Variants in LNP1 observed in about 807,000 individuals in gnomAD.
LNP1 encodes leukemia NUP98 fusion partner 1.
A neutral mutation model predicts 14.5 loss-of-function variants in LNP1; 12 were observed. The ratio of observed to expected loss-of-function variants is 0.83; its 90% CI spans 0.53 to 1.34. The LOEUF is 1.34. LNP1 is among the 40% of genes most tolerant of loss of function. The pLI is 0.00. For synonymous variants in LNP1, 75 were observed against 71.4 expected, an observed-to-expected ratio of 1.05 and a Z score of -0.26; for missense variants, 198 against 210.9, an observed-to-expected ratio of 0.94 and a Z score of 0.38.
chr3:100,449,241 A>G (rs148695973), intron 2 of LNP1, among the ~76,000 whole-genome samples: 3,370 of 141,602 alleles, frequency 0.024, 60 homozygotes, highest in Middle Eastern at 0.069. Context: ...TTCATAGTGC[A>G]CTTAAACTTT....
rs1422437900 is a variant in LNP1, at chr3:100,416,597, TTTTGTGTGTGTGTGTGTGTG to T, written c.-33-13098_-33-13079del. ...ATAAATAATACCTTGAGTATATCTT[TTTTGTGTGTGTGTGTGTGTG>T]TGTGTGTGTGTGTGTGTGTGTGTGT... On this transcript the variant is annotated intron_variant, in intron 1 of 3. Coordinates refer to ENST00000383693, the MANE Select transcript of LNP1 (RefSeq NM_001085451.2). Among the ~76,000 whole-genome samples, 42 of 110,650 alleles carry T rather than the reference TTTTGTGTGTGTGTGTGTGTG, an allele frequency of 3.8e-4. 1 individual carries two copies. Among genetic ancestry groups the T allele is most frequent in the Admixed American group, 2.0e-3 (19 of 9,510 alleles). The allele number at this position is 110,650 out of a possible 152,430, so 72.6% of individuals were successfully genotyped here. A position where few individuals can be genotyped will look rare whatever the true frequency, so the allele number is the denominator to read the frequency against.
At chr3:100,414,241 G>A (rs1165938992) in intron 1 of LNP1, among the ~76,000 whole-genome samples, 1 of 152,068 alleles carries the variant, frequency 6.6e-6, no homozygotes, top group Non-Finnish European at 1.5e-5. Context: ...GGTTCAAGAT[G>A]GTTTAATCAA....
chr3:100,412,933 T>C (rs1209298400), intron 1 of LNP1, among the ~76,000 whole-genome samples: 1 of 152,190 alleles, frequency 6.6e-6, no homozygotes, highest in Non-Finnish European at 1.5e-5. Context: ...ATATGGTCAA[T>C]GCGAAATAAA....
chr3:100,436,132 C>T (rs748862349), intron 2 of LNP1, among the ~76,000 whole-genome samples: 4 of 152,108 alleles, frequency 2.6e-5, no homozygotes, highest in Admixed American at 2.0e-4. Context: ...AACCTTGTGG[C>T]GGTCAGAATA....
chr3:100,440,175 G>A (rs188562294), intron 2 of LNP1, among the ~76,000 whole-genome samples: 38 of 152,192 alleles, frequency 2.5e-4, no homozygotes, highest in Admixed American at 1.6e-3. Flanking sequence ...GTAAAACACC[G>A]GTCAGATTGG....
intron 1 of LNP1, among the ~76,000 whole-genome samples, chr3:100,405,729 C>G (rs745394537): frequency 6.6e-6 from 1 of 152,092 alleles, no homozygotes; most frequent in Non-Finnish European, 1.5e-5. Flanking sequence ...TTATTCATTT[C>G]CTTCATCTTG....
chr3:100,404,418 C>T (rs989258370), intron 1 of LNP1, among the ~76,000 whole-genome samples: 4 of 152,142 alleles, frequency 2.6e-5, no homozygotes, highest in Non-Finnish European at 4.4e-5. Context: ...CCACATGTGG[C>T]TATTGAGCAC....
chr3:100,434,142 C>T lies in LNP1; in HGVS notation c.156+4257C>T, dbSNP rs899253971. On this transcript the variant is annotated intron_variant, in intron 2 of 3. Transcript: ENST00000383693. Reference sequence around the variant, plus strand: ...GTTTTCATCATGAAGTATTTGCCCACGCCTATGTCCTGAATGCTACTGCCT... The same window carrying T: ...GTTTTCATCATGAAGTATTTGCCCATGCCTATGTCCTGAATGCTACTGCCT... Among the ~76,000 whole-genome samples, 13 of 152,228 alleles carry T rather than the reference C, an allele frequency of 8.5e-5. No individual in the cohort carries two copies. The East Asian group carries it at 1.5e-3, about 18-fold the overall frequency.
intron 1 of LNP1, among the ~76,000 whole-genome samples, chr3:100,416,227 A>G (rs1707082441): frequency 6.6e-6 from 1 of 152,158 alleles, no homozygotes; most frequent in Admixed American, 6.5e-5. Context: ...GAATATTTTT[A>G]TAAGGGGAAA....
chr3:100,423,766 C>G (rs999216033), intron 1 of LNP1, among the ~76,000 whole-genome samples: 1 of 152,116 alleles, frequency 6.6e-6, no homozygotes, highest in Admixed American at 6.5e-5. Flanking sequence ...CTGCAGCTGT[C>G]GCAGTCACTT....
At chr3:100,444,210 C>G (rs1473068009) in intron 2 of LNP1, among the ~76,000 whole-genome samples, 1 of 152,010 alleles carries the variant, frequency 6.6e-6, no homozygotes, top group Non-Finnish European at 1.5e-5. Flanking sequence ...AAACCACCTC[C>G]TAAAGAGGAT....
At chr3:100,408,445 G>A (rs186236620) in intron 1 of LNP1, among the ~76,000 whole-genome samples, 79 of 152,348 alleles carry the variant, frequency 5.2e-4, no homozygotes, top group African/African-American at 1.7e-3. Context: ...GCACTTGGGT[G>A]CACCCAAAGC....
At position 100,402,218 on chromosome 3, in the gene LNP1, G is replaced by A. The variant is rs2148897058; in HGVS notation, c.-255G>A. On this transcript the variant is annotated 5_prime_UTR_variant, in exon 1 of 4. Coordinates refer to ENST00000383693, the MANE Select transcript of LNP1 (RefSeq NM_001085451.2). ...AAGACAACTATTAATAGAAAAATCAGAGTCCAGAACTATGGTTCTCCATTT... is the reference window on the plus strand; with the variant it reads ...AAGACAACTATTAATAGAAAAATCAAAGTCCAGAACTATGGTTCTCCATTT... 1 of 152,338 alleles carries A rather than the reference G, an allele frequency of 6.6e-6. No individual in the cohort carries two copies. The highest frequency in any genetic ancestry group is 2.4e-5 in the African/African-American group (1 of 41,578). 9.4% of individuals were successfully genotyped at this position (152,338 alleles called of 1,614,324 possible).
rs553517565 is a variant in LNP1 at position 100,449,859 on chromosome 3, A to C, written c.157-1860A>C. On this transcript the variant is annotated intron_variant, in intron 2 of 3. Transcript: ENST00000383693. ...TTTCAGAAGTACCAAGTATCAAACC[A>C]GAAAGGGCTTTATTTAAGAAACAAA... 3.3e-4 allele frequency among the ~76,000 whole-genome samples: 51 copies of C among 152,298 alleles called. 1 individual carries two copies. The highest frequency in any genetic ancestry group is 9.4e-4 in the African/African-American group (39 of 41,562).
intron 1 of LNP1, among the ~76,000 whole-genome samples, chr3:100,408,640 C>A (rs1444132395): frequency 1.3e-5 from 2 of 152,142 alleles, no homozygotes; most frequent in African/African-American, 2.4e-5. Flanking sequence ...CGGGATGGGT[C>A]TAGAGTCTCA....
chr3:100,429,941 C>T, intron 2 of LNP1, 56 bp downstream of exon 2: 1 of 1,541,878 alleles, frequency 6.5e-7, no homozygotes, highest in Non-Finnish European at 8.7e-7. Flanking sequence ...GGGGGTTTCT[C>T]TTAGATAATT....
intron 1 of LNP1, among the ~76,000 whole-genome samples, chr3:100,407,005 A>G (rs1158847307): frequency 6.6e-6 from 1 of 152,210 alleles, no homozygotes; most frequent in Non-Finnish European, 1.5e-5. Context: ...TTCACAATTT[A>G]AGTATTTTTA....
chr3:100,410,001 A>AT (rs1553740332), intron 1 of LNP1, among the ~76,000 whole-genome samples: 5 of 151,712 alleles, frequency 3.3e-5, no homozygotes, highest in Admixed American at 2.0e-4. Flanking sequence ...CTATCTATCT[A>AT]CCTATTTTAT....
intron 2 of LNP1, among the ~76,000 whole-genome samples, chr3:100,448,286 T>C (rs1576237068): frequency 1.3e-5 from 2 of 152,332 alleles, no homozygotes; most frequent in East Asian, 3.9e-4. Context: ...TATAATTTAC[T>C]TTGAAACAAA....
Sources: gnomAD v4.1 joint callset for allele counts (sites outside exome capture counted in the v4.1 genomes callset) on GRCh38, gnomAD v4.1.1 for gene constraint, MANE v1.5 for transcripts, NCBI Gene and HGNC (gene_info 2026-07-23, HGNC 2026-07-21) for gene names.